Variants in RPL7L1 observed in about 807,000 individuals in gnomAD.
RPL7L1 encodes ribosomal protein L7 like 1.
RPL7L1 carries 20 observed loss-of-function variants against 30.3 expected under a neutral mutation model. The observed-to-expected ratio is 0.66, with a 90% CI of 0.46 to 0.96. RPL7L1 has a LOEUF of 0.96. RPL7L1 is among the 40% of genes least tolerant of loss of function. RPL7L1 has a pLI of 0.00. For missense variants in RPL7L1, 271 were observed against 314.9 expected (o/e 0.86, Z 1.05); for synonymous variants, 107 against 110.1 (o/e 0.97, Z 0.18).
chr6:42,880,555 C>T (rs954741277), intron 1 of RPL7L1: 5 of 299,352 alleles, frequency 1.7e-5, no homozygotes, highest in Admixed American at 1.0e-4. Context: ...CTCTGTCCCC[C>T]AGGCTGGAGC....
In RPL7L1 at chr6:42,887,839, G is replaced by T. The variant is rs955337717; in HGVS notation, c.*1375G>T. The T allele has an allele frequency of 1.1e-4, 16 of 150,028 alleles. No homozygotes were observed. The highest frequency in any genetic ancestry group is 3.9e-4 in the African/African-American group (16 of 40,636). 9.3% of individuals were successfully genotyped at this position (150,028 alleles called of 1,614,324 possible). On this transcript the variant is annotated 3_prime_UTR_variant, in exon 6 of 6. Transcript: ENST00000493763. ...AAGCCCAAGGACATAATTGAATCTG[G>T]AGAGTCCTGGGGCCTTGTTTTGAAA...
In RPL7L1 at chr6:42,884,891, A is replaced by G. The variant is rs1285081859; in HGVS notation, c.449+141A>G. 3 of 764,930 alleles carry G rather than the reference A, an allele frequency of 3.9e-6. No homozygotes were observed. The African/African-American group carries it at 5.2e-5, about 13-fold the overall frequency. 47.4% of individuals were successfully genotyped at this position (764,930 alleles called of 1,614,324 possible). A position where few individuals can be genotyped will look rare whatever the true frequency, so the allele number is the denominator to read the frequency against. On this transcript the variant is annotated intron_variant, in intron 4 of 5. Transcript: ENST00000493763. ...CACAGTCAACCTGAAATCAGTGGGT[A>G]GCTGTAATAACCATGGGACACAGGG...
chr6:42,880,772 C>T (rs529150368), intron 1 of RPL7L1, 89 bp from the exon 2 acceptor site: 1 of 687,916 alleles, frequency 1.5e-6, no homozygotes, highest in East Asian at 2.8e-5. Flanking sequence ...CTCGGCCTCC[C>T]AGAGTGCTGG....
At chr6:42,880,318 C>A (rs1766023658) in intron 1 of RPL7L1, among the ~76,000 whole-genome samples, 1 of 152,090 alleles carries the variant, frequency 6.6e-6, no homozygotes, top group Non-Finnish European at 1.5e-5. Flanking sequence ...CTTATACGAA[C>A]CCAGAGGCTA....
intron 4 of RPL7L1, 195 bp from the exon 5 acceptor site, chr6:42,885,779 T>G: frequency 2.0e-6 from 1 of 507,724 alleles, no homozygotes; most frequent in Non-Finnish European, 3.6e-6. Context: ...AAATTTCTAA[T>G]TATGTAAGTG....
At chr6:42,884,556 G>A in intron 3 of RPL7L1, 57 bp from the exon 4 acceptor site, 1 of 1,551,450 alleles carries the variant, frequency 6.4e-7, no homozygotes, top group Non-Finnish European at 8.8e-7. Flanking sequence ...TGTTGTGCTT[G>A]CTGGACTGAC....
intron 1 of RPL7L1, 70 bp downstream of exon 1, chr6:42,880,021 C>A: frequency 2.7e-6 from 4 of 1,472,754 alleles, no homozygotes; most frequent in Non-Finnish European, 3.8e-6. Flanking sequence ...GGTGTTTATG[C>A]CTTGGTGGCG....
intron 5 of RPL7L1, 53 bp from the exon 6 acceptor site, chr6:42,886,200 TTAG>T (rs1372524070): frequency 5.4e-6 from 8 of 1,488,854 alleles, no homozygotes; most frequent in Non-Finnish European, 7.5e-6. Context: ...AGTGGCCAGC[TTAG>T]TATATGCTGG....
chr6:42,880,145 G>A (rs550678536), intron 1 of RPL7L1, among the ~76,000 whole-genome samples, 194 bp downstream of exon 1: 1 of 152,252 alleles, frequency 6.6e-6, no homozygotes, highest in South Asian at 2.1e-4. Flanking sequence ...CGGGTTATCT[G>A]GAGAGGCGAG....
In RPL7L1 at chr6:42,879,925, C is replaced by T. The variant is rs555166229; in HGVS notation, c.15C>T (p.Cys5=). 1.7e-5 allele frequency: 27 copies of T among 1,614,088 alleles called. 1 individual carries two copies. The South Asian group carries it at 2.6e-4, about 16-fold the overall frequency. MISS[C]TTRKMAEQEQ... is the part of the protein sequence containing the mutation. ...TGGGGTTGCGCATGATCAGTAGCTG[C>T]ACCACTAGAAAGATGGCGGAGCAAG... The change falls in exon 1 of 6, where the codon TGC becomes TGT. Residue 5 remains cysteine (C), a synonymous_variant. Coordinates refer to ENST00000493763, the MANE Select transcript of RPL7L1 (RefSeq NM_001366481.3).
chr6:42,881,034 G>C, intron 2 of RPL7L1, 68 bp downstream of exon 2: 1 of 856,932 alleles, frequency 1.2e-6, no homozygotes, highest in Non-Finnish European at 2.0e-6. Context: ...CGCATGTGTT[G>C]GACTACATTT....
In RPL7L1 at chr6:42,879,830, C is replaced by T. The variant is rs1352924580; in HGVS notation, c.-81C>T. On this transcript the variant is annotated 5_prime_UTR_variant, in exon 1 of 6. Coordinates refer to ENST00000493763, the MANE Select transcript of RPL7L1 (RefSeq NM_001366481.3). ...GCGGCTAAGTGAACGCTGACTGGTC[C>T]TCCAGCGTGAGCTAGAACAGACGTC... 5 of 1,470,594 alleles carry T rather than the reference C, an allele frequency of 3.4e-6. No homozygotes were observed. Among genetic ancestry groups the T allele is most frequent in the Non-Finnish European group, 4.8e-6 (5 of 1,051,928 alleles). The allele number at this position is 1,470,594 out of a possible 1,614,324, so 91.1% of individuals were successfully genotyped here.
chr6:42,881,544 C>A (rs796883137), intron 2 of RPL7L1: 12 of 152,126 alleles, frequency 7.9e-5, no homozygotes, highest in African/African-American at 2.6e-4. Flanking sequence ...TAGTTTAAAT[C>A]CTCTCTGGAT....
intron 1 of RPL7L1, 152 bp from the exon 2 acceptor site, chr6:42,880,709 C>T (rs1047005354): frequency 1.2e-5 from 6 of 483,210 alleles, no homozygotes; most frequent in African/African-American, 8.1e-5. Flanking sequence ...ACGGGGGTTT[C>T]ACCATGTTGG....
In RPL7L1 at chr6:42,883,555, A is replaced by G. The variant is rs773366773; in HGVS notation, c.252A>G (p.Lys84=). 1.2e-6 allele frequency: 2 copies of G among 1,609,138 alleles called. No individual in the cohort carries two copies. The highest frequency in any genetic ancestry group is 1.1e-5 in the South Asian group (1 of 90,232). ...DKVRLRRLEV[K]PHALELPDKH... is the part of the protein sequence containing the mutation. ...TGCGTCTCAGACGACTAGAAGTGAA[A>G]CCTCATGCCTTGGAATTGCCAGATA... The change falls in exon 3 of 6, where the codon AAA becomes AAG. Residue 84 remains lysine (K), a synonymous_variant. Transcript: ENST00000493763.
rs1208512468 is a variant in RPL7L1, at chr6:42,883,498, A to G, written c.195A>G (p.Leu65=). The G allele has an allele frequency of 8.1e-6, 13 of 1,608,178 alleles. No individual in the cohort carries two copies. Among genetic ancestry groups the G allele is most frequent in the Non-Finnish European group, 1.1e-5 (13 of 1,176,734 alleles). The change falls in exon 3 of 6, where the codon CTA becomes CTG. Residue 65 remains leucine (L), a synonymous_variant. Transcript: ENST00000493763. ...GLRFKRLESF[L]HDSWRQKRDK... is the part of the protein sequence containing the mutation. ...GGTTTAAGCGACTGGAATCATTCCT[A>G]CATGATTCCTGGCGGCAGAAACGTG...
chr6:42,883,809 G>C lies in RPL7L1; in HGVS notation c.311+195G>C, dbSNP rs186144923. The stretch of plus-strand genomic sequence containing the variant: ...AGGCTTGAAAATAAGTGCTATGAGG[G>C]TAAAGTGCTCACTAGGGAGAGGGGT... On this transcript the variant is annotated intron_variant, in intron 3 of 5. Coordinates refer to ENST00000493763, the MANE Select transcript of RPL7L1 (RefSeq NM_001366481.3). 55 of 362,278 alleles carry C rather than the reference G, an allele frequency of 1.5e-4. No homozygotes were observed. In the East Asian group the frequency reaches 2.1e-3, roughly 14 times the overall value. The allele number at this position is 362,278 out of a possible 1,614,324, so 22.4% of individuals were successfully genotyped here.
chr6:42,883,809 G>A, intron 3 of RPL7L1, 195 bp downstream of exon 3: 1 of 362,278 alleles, frequency 2.8e-6, no homozygotes, highest in Non-Finnish European at 5.0e-6. Flanking sequence ...TGCTATGAGG[G>A]TAAAGTGCTC....
At chr6:42,883,978 A>G in intron 3 of RPL7L1, 1 of 160,008 alleles carries the variant, frequency 6.2e-6, no homozygotes, top group African/African-American at 2.4e-5. Context: ...GAACTGAAAC[A>G]AGGCTGAGTG....
Sources: gnomAD v4.1 joint callset for allele counts (sites outside exome capture counted in the v4.1 genomes callset) on GRCh38, gnomAD v4.1.1 for gene constraint, MANE v1.5 for transcripts, NCBI Gene and HGNC (gene_info 2026-07-23, HGNC 2026-07-21) for gene names.